PPP1R3A: variants seen among roughly 807,000 people sequenced by gnomAD.
PPP1R3A encodes protein phosphatase 1 regulatory subunit 3A.
Under a neutral mutation model 41.7 loss-of-function variants are expected in PPP1R3A, and 29 were observed. The ratio of observed to expected loss-of-function variants is 0.70; its 90% CI spans 0.52 to 0.95. The LOEUF is 0.95. Ranked by LOEUF, PPP1R3A falls within the 40% of genes least tolerant of loss-of-function variation. The pLI, the probability that PPP1R3A is intolerant of heterozygous loss-of-function variation, is 0.00. For synonymous variants in PPP1R3A, 485 were observed against 453.4 expected (o/e 1.07, Z -0.89); for missense variants, 1,352 against 1,292.4 (o/e 1.05, Z -0.71).
At chr7:113,883,479 T>C (rs1425247387) in intron 1 of PPP1R3A, among the ~76,000 whole-genome samples, 3 of 152,012 alleles carry the variant, frequency 2.0e-5, no homozygotes, top group Admixed American at 2.0e-4. Context: ...TTCATAATTT[T>C]AACTTTACTA....
chr7:113,883,633 A>G (rs778440890), intron 1 of PPP1R3A, among the ~76,000 whole-genome samples: 14 of 152,112 alleles, frequency 9.2e-5, no homozygotes, highest in Non-Finnish European at 1.6e-4. Context: ...AAATTATGCC[A>G]AGGTTTATTT....
At position 113,878,767 on chromosome 7, in the gene PPP1R3A, T is replaced by C. The variant is rs1796622005; in HGVS notation, c.2325A>G (p.Pro775=). Reference sequence around the variant, plus strand: ...GTGAATCATCATTTCTCCCTTCATGTGGATCAAACGCTGTTTCCTTTACCT... The same window carrying C: ...GTGAATCATCATTTCTCCCTTCATGCGGATCAAACGCTGTTTCCTTTACCT... ...PIEVKETAFD[P]HEGRNDDSHY... Residue 775 remains proline, a synonymous_variant, in exon 4 of 4, where the codon CCA becomes CCG. Coordinates refer to ENST00000284601, the MANE Select transcript of PPP1R3A (RefSeq NM_002711.4). 1 of 1,613,604 alleles carries C rather than the reference T, an allele frequency of 6.2e-7. No individual in the cohort carries two copies. The highest frequency in any genetic ancestry group is 1.3e-5 in the African/African-American group (1 of 75,018).
At chr7:113,882,710 T>C (rs936085594) in intron 1 of PPP1R3A, among the ~76,000 whole-genome samples, 3 of 152,006 alleles carry the variant, frequency 2.0e-5, no homozygotes, top group Admixed American at 2.0e-4. Flanking sequence ...TAAAATTTTA[T>C]GAACTGACAG....
chr7:113,878,899 A>G lies in PPP1R3A; in HGVS notation c.2193T>C (p.Tyr731=), dbSNP rs765246885. 4.2e-5 allele frequency: 67 copies of G among 1,612,876 alleles called. No homozygotes were observed. In the Middle Eastern group the frequency reaches 8.2e-4, roughly 20 times the overall value. Residue 731 remains tyrosine, a synonymous_variant, in exon 4 of 4, where the codon TAT becomes TAC. Coordinates refer to ENST00000284601, the MANE Select transcript of PPP1R3A (RefSeq NM_002711.4). ...TACTTTCTGATGTTGTCTTAATTAT[A>G]TAGGCTGTACCAGCTTCTGCTTTCT... ...ITEKAEAGTA[Y]IIKTTSESTP...
chr7:113,887,899 C>G (rs1318211170), intron 1 of PPP1R3A, among the ~76,000 whole-genome samples: 2 of 152,118 alleles, frequency 1.3e-5, no homozygotes, highest in East Asian at 3.9e-4. Flanking sequence ...GGCATGGTGG[C>G]AGGCACCTGT....
intron 1 of PPP1R3A, among the ~76,000 whole-genome samples, chr7:113,885,874 A>G (rs1334937120): frequency 1.3e-5 from 2 of 148,544 alleles, no homozygotes; most frequent in Non-Finnish European, 3.0e-5. Context: ...TGTAATTTAT[A>G]TTATATAAAT....
chr7:113,880,258 C>A (rs1394144023), intron 3 of PPP1R3A, 133 bp from the exon 4 acceptor site: 1 of 880,284 alleles, frequency 1.1e-6, no homozygotes, highest in Non-Finnish European at 1.7e-6. Flanking sequence ...TTGTGGATTT[C>A]ATATAAACTC....
intron 1 of PPP1R3A, among the ~76,000 whole-genome samples, chr7:113,894,321 G>A (rs907613711): frequency 6.6e-6 from 1 of 151,926 alleles, no homozygotes; most frequent in Non-Finnish European, 1.5e-5. Flanking sequence ...ATATTCAATC[G>A]AGAGAAAAAT....
rs147065761 is a variant in PPP1R3A at position 113,905,218 on chromosome 7, C to T, written c.782+12997G>A. On this transcript the variant is annotated intron_variant, in intron 1 of 3. Transcript: ENST00000284601. The stretch of plus-strand genomic sequence containing the variant: ...AATACATAGTTATTTAGACTTCACC[C>T]TAATTTCCTAAAATATGTTTCCAAT... Among the ~76,000 whole-genome samples, 436 of 151,684 alleles carry T rather than the reference C, an allele frequency of 2.9e-3. 2 individuals are homozygous for T. Among genetic ancestry groups the T allele is most frequent in the African/African-American group, 0.01 (415 of 41,472 alleles).
intron 1 of PPP1R3A, among the ~76,000 whole-genome samples, chr7:113,900,757 A>AT (rs1464575913): frequency 1.3e-5 from 2 of 148,366 alleles, no homozygotes; most frequent in Non-Finnish European, 3.0e-5. Context: ...ATACACTTAC[A>AT]TAAGTATATA....
chr7:113,918,500 C>A lies in PPP1R3A; in HGVS notation c.497G>T (p.Trp166Leu), dbSNP rs1268407545. 1 of 1,613,018 alleles carries A rather than the reference C, an allele frequency of 6.2e-7. No homozygotes were observed. Among genetic ancestry groups the A allele is most frequent in the South Asian group, 1.1e-5 (1 of 91,058 alleles). ...LVYVRMSLDD[W>L]QTHYDILAEY... is the part of the protein sequence containing the mutation. ...TGCTAAAATGTCATAATGTGTCTGC[C>A]AGTCATCTAAAGACATTCTTACATA... is the stretch of plus-strand genomic sequence containing the variant. The change falls in exon 1 of 4, where the codon TGG becomes TTG. Residue 166 changes from tryptophan to leucine, a missense_variant. Physicochemically the swap from Trp to Leu is moderately conservative, Grantham distance 61. Coordinates refer to ENST00000284601, the MANE Select transcript of PPP1R3A (RefSeq NM_002711.4).
chr7:113,882,342 G>A, intron 1 of PPP1R3A, 22 bp from the exon 2 acceptor site: 1 of 1,375,402 alleles, frequency 7.3e-7, no homozygotes, highest in Non-Finnish European at 1.0e-6. Flanking sequence ...AAAAGAAAAT[G>A]TTATATGTTT....
At chr7:113,900,992 T>C (rs1225013317) in intron 1 of PPP1R3A, among the ~76,000 whole-genome samples, 1 of 151,558 alleles carries the variant, frequency 6.6e-6, no homozygotes, top group Non-Finnish European at 1.5e-5. Context: ...AGATTTACTG[T>C]AACACAATTC....
intron 1 of PPP1R3A, 97 bp downstream of exon 1, chr7:113,918,117 AT>A: frequency 8.2e-7 from 1 of 1,224,276 alleles, no homozygotes; most frequent in Non-Finnish European, 1.1e-6. Flanking sequence ...CAAGCAGTAT[AT>A]TTTTAAATAG....
At chr7:113,892,679 A>T (rs1796913042) in intron 1 of PPP1R3A, among the ~76,000 whole-genome samples, 1 of 152,052 alleles carries the variant, frequency 6.6e-6, no homozygotes, top group African/African-American at 2.4e-5. Flanking sequence ...TTAAGGAACT[A>T]TGCAGAAGGA....
At chr7:113,909,914 T>C (rs946714718) in intron 1 of PPP1R3A, among the ~76,000 whole-genome samples, 1 of 152,120 alleles carries the variant, frequency 6.6e-6, no homozygotes, top group Non-Finnish European at 1.5e-5. Context: ...TATTAGTTTG[T>C]TCTCACACTG....
intron 1 of PPP1R3A, among the ~76,000 whole-genome samples, chr7:113,910,662 A>G (rs1355615427): frequency 2.6e-5 from 4 of 152,078 alleles, no homozygotes; most frequent in African/African-American, 9.7e-5. Flanking sequence ...AGTTTGTGAA[A>G]CTGAAATTTA....
Position 113,877,400 on chromosome 7 carries a change from G to C in PPP1R3A, c.*323C>G, listed in dbSNP as rs1796584615. On this transcript the variant is annotated 3_prime_UTR_variant, in exon 4 of 4. Transcript: ENST00000284601. ...AATGAAGCTTTATTGCAAGAGAAAT[G>C]AATGCAAGAAATAGCACTTTAAGTA... is the stretch of plus-strand genomic sequence containing the variant. 4.9e-6 allele frequency: 1 copy of C among 205,776 alleles called. No homozygotes were observed. The highest frequency in any genetic ancestry group is 5.7e-5 in the Admixed American group (1 of 17,624). The allele number at this position is 205,776 out of a possible 1,614,324, so 12.7% of individuals were successfully genotyped here.
At position 113,890,075 on chromosome 7, in the gene PPP1R3A, A is replaced by G. The variant is rs146147382; in HGVS notation, c.783-7755T>C. 3.3e-3 allele frequency among the ~76,000 whole-genome samples: 422 copies of G among 129,802 alleles called. 2 individuals carry two copies. Among genetic ancestry groups the G allele is most frequent in the African/African-American group, 1.0e-2 (404 of 40,600 alleles). The allele number at this position is 129,802 out of a possible 152,430, so 85.2% of individuals were successfully genotyped here. A position where few individuals can be genotyped will look rare whatever the true frequency, so the allele number is the denominator to read the frequency against. On this transcript the variant is annotated intron_variant, in intron 1 of 3. Transcript: ENST00000284601. Reference sequence around the variant, plus strand: ...TTAAGGCATTATATGCAAAAACTTTATCAGTAAAAAAAAAAAGAATTATTC... The same window carrying G: ...TTAAGGCATTATATGCAAAAACTTTGTCAGTAAAAAAAAAAAGAATTATTC...
Sources: allele counts gnomAD v4.1 joint callset (sites outside exome capture counted in the v4.1 genomes callset), GRCh38; gene constraint gnomAD v4.1.1; transcripts MANE v1.5; gene names NCBI Gene and HGNC (gene_info 2026-07-23, HGNC 2026-07-21).